Variants in C10orf143 observed in about 807,000 individuals in gnomAD.
C10orf143 encodes uncharacterized protein C10orf143.
At chr10:130,092,158 C>T (rs1861392522) in intron 1 of C10orf143, among the ~76,000 whole-genome samples, 1 of 152,110 alleles carries the variant, frequency 6.6e-6, no homozygotes, top group Admixed American at 6.5e-5. Context: ...TTAAGGGCAG[C>T]CAGAGAGAAA....
chr10:130,052,492 A>G (rs1860747930), intron 3 of C10orf143, among the ~76,000 whole-genome samples: 1 of 152,168 alleles, frequency 6.6e-6, no homozygotes. Context: ...CACAGCCAGG[A>G]CACGTGAGGT....
chr10:130,077,151 C>A (rs7085617), intron 3 of C10orf143, among the ~76,000 whole-genome samples: 6,742 of 151,926 alleles, frequency 0.044, 520 homozygotes, highest in African/African-American at 0.15. Context: ...GGTTACAATA[C>A]GCCAGAATGA....
At chr10:130,096,889 G>A (rs1861471200) in intron 1 of C10orf143, among the ~76,000 whole-genome samples, 1 of 148,200 alleles carries the variant, frequency 6.7e-6, no homozygotes, top group Admixed American at 6.7e-5. Flanking sequence ...CCACATTCGT[G>A]GAGAAGAAAT....
chr10:130,083,194 T>C (rs1861235890), intron 1 of C10orf143, among the ~76,000 whole-genome samples: 2 of 152,220 alleles, frequency 1.3e-5, no homozygotes, highest in African/African-American at 2.4e-5. Flanking sequence ...AATGCACTCA[T>C]ATTTAAAGAA....
At chr10:130,070,344 G>A (rs577142065) in intron 3 of C10orf143, among the ~76,000 whole-genome samples, 3 of 152,320 alleles carry the variant, frequency 2.0e-5, no homozygotes, top group South Asian at 2.1e-4. Flanking sequence ...GGTGCAGCCT[G>A]TCCACATGCA....
At position 130,084,823 on chromosome 10, in the gene C10orf143, T is replaced by TACA. The variant is rs577135695; in HGVS notation, c.70-4923_70-4922insTGT. Among the ~76,000 whole-genome samples the TACA allele has an allele frequency of 3.3e-3, 494 of 151,672 alleles. 5 individuals are homozygous for TACA. Among genetic ancestry groups the TACA allele is most frequent in the African/African-American group, 0.011 (469 of 41,326 alleles). On this transcript the variant is annotated intron_variant, in intron 1 of 3. Transcript: ENST00000637128. ...GGAAGCAGCTGATTCAGGGAAGGAG[T>TACA]AGGGAAAATACAAGATGAGCCTCAA... is the stretch of plus-strand genomic sequence containing the variant.
chr10:130,107,970 A>G (rs1471367823), intron 1 of C10orf143: 1 of 1,517,762 alleles, frequency 6.6e-7, no homozygotes, highest in East Asian at 2.3e-5. Flanking sequence ...AGAAGTTTTA[A>G]TATGCCTCCT....
intron 1 of C10orf143, among the ~76,000 whole-genome samples, chr10:130,087,880 G>A (rs1861318060): frequency 6.6e-6 from 1 of 152,186 alleles, no homozygotes; most frequent in Non-Finnish European, 1.5e-5. Context: ...GGCAGCCTCC[G>A]CTCTGGGCTC....
At chr10:130,109,710 G>A (rs1321707156) in intron 1 of C10orf143, among the ~76,000 whole-genome samples, 4 of 152,102 alleles carry the variant, frequency 2.6e-5, no homozygotes, top group Non-Finnish European at 5.9e-5. Flanking sequence ...TTCACGGCCA[G>A]GCAGTGAGTA....
intron 1 of C10orf143, chr10:130,106,382 G>A (rs1293228099): frequency 6.2e-7 from 1 of 1,602,556 alleles, no homozygotes; most frequent in Non-Finnish European, 8.5e-7. Context: ...GTCATCGTTA[G>A]AGGATGCCAG....
intron 3 of C10orf143, among the ~76,000 whole-genome samples, chr10:130,044,773 C>G (rs1860647063): frequency 6.6e-6 from 1 of 152,162 alleles, no homozygotes; most frequent in South Asian, 2.1e-4. Flanking sequence ...TTGGGAAGTC[C>G]AGACTTCCTC....
intron 1 of C10orf143, among the ~76,000 whole-genome samples, chr10:130,092,313 C>G (rs140906373): frequency 0.039 from 5,967 of 152,216 alleles, 376 homozygotes; most frequent in African/African-American, 0.14. Context: ...TTCAGCCAAA[C>G]TAAGCTTCAT....
intron 3 of C10orf143, among the ~76,000 whole-genome samples, chr10:130,041,504 A>C (rs1316648311): frequency 6.6e-6 from 1 of 152,240 alleles, no homozygotes; most frequent in African/African-American, 2.4e-5. Flanking sequence ...CATCCTCACC[A>C]GCACGATTAT....
chr10:130,100,162 A>G (rs1216623999), intron 1 of C10orf143, among the ~76,000 whole-genome samples: 2 of 151,822 alleles, frequency 1.3e-5, no homozygotes, highest in Non-Finnish European at 2.9e-5. Flanking sequence ...CTCTGACCCA[A>G]ACTGTATTAT....
intron 1 of C10orf143, among the ~76,000 whole-genome samples, chr10:130,099,356 A>C (rs747158163): frequency 1.1e-4 from 17 of 152,144 alleles, no homozygotes; most frequent in Non-Finnish European, 2.5e-4. Flanking sequence ...GAGTGACCAC[A>C]GAAGGCAAAA....
chr10:130,098,730 C>T (rs1236051868), intron 1 of C10orf143, among the ~76,000 whole-genome samples: 5 of 152,166 alleles, frequency 3.3e-5, no homozygotes, highest in African/African-American at 9.7e-5. Context: ...AGAAAATGGC[C>T]TCCTTGCCGA....
At chr10:130,042,561 G>A (rs1314337112) in intron 3 of C10orf143, among the ~76,000 whole-genome samples, 3 of 152,230 alleles carry the variant, frequency 2.0e-5, no homozygotes, top group African/African-American at 7.2e-5. Context: ...CCTCGGATGG[G>A]AGACCTCCCT....
At position 130,110,825 on chromosome 10, in the gene C10orf143, C is replaced by G. The variant is rs1164294603; in HGVS notation, c.-53G>C. 1 of 398,706 alleles carries G rather than the reference C, an allele frequency of 2.5e-6. No homozygotes were observed. Among genetic ancestry groups the G allele is most frequent in the Non-Finnish European group, 4.4e-6 (1 of 226,158 alleles). The allele number at this position is 398,706 out of a possible 1,614,324, so 24.7% of individuals were successfully genotyped here. ...ATCTCAGGCCTGGCCGAGGCCCGCG[C>G]ACCACGCCCCCTTCCGCACAAGGCC... On this transcript the variant is annotated 5_prime_UTR_variant, in exon 1 of 4. Coordinates refer to ENST00000637128, the MANE Select transcript of C10orf143 (RefSeq NM_001355042.2).
At chr10:130,096,178 C>G (rs553328974) in intron 1 of C10orf143, among the ~76,000 whole-genome samples, 1 of 151,878 alleles carries the variant, frequency 6.6e-6, no homozygotes, top group African/African-American at 2.4e-5. Flanking sequence ...ATGAGGCCAA[C>G]GAACATGAAA....
Sources: allele counts gnomAD v4.1 joint callset (sites outside exome capture counted in the v4.1 genomes callset), GRCh38; gene constraint gnomAD v4.1.1; transcripts MANE v1.5; gene names NCBI Gene and HGNC (gene_info 2026-07-23, HGNC 2026-07-21).